GLO1: variants seen among roughly 807,000 people sequenced by gnomAD.
GLO1 encodes lactoylglutathione lyase.
GLO1 carries 28 observed loss-of-function variants against 26.0 expected under a neutral mutation model. The ratio of observed to expected loss-of-function variants is 1.08; its 90% CI spans 0.80 to 1.48. The LOEUF is 1.48. Ranked by LOEUF, GLO1 falls within the 40% of genes most tolerant of loss-of-function variation. The pLI, the probability that GLO1 is intolerant of heterozygous loss-of-function variation, is 0.00. For missense variants in GLO1, 225 were observed against 224.8 expected (o/e 1.00, Z -0.01); for synonymous variants, 78 against 77.6 (o/e 1.00, Z -0.03).
At chr6:38,696,920 CTTTT>C (rs71744977) in intron 1 of GLO1, among the ~76,000 whole-genome samples, 1 of 140,082 alleles carries the variant, frequency 7.1e-6, no homozygotes, top group African/African-American at 2.6e-5. Flanking sequence ...AAGCCTTCTT[CTTTT>C]TTTTTTTTTT....
chr6:38,682,843 C>T lies in GLO1; in HGVS notation c.341G>A (p.Ser114Asn). 1 of 1,606,728 alleles carries T rather than the reference C, an allele frequency of 6.2e-7. No individual in the cohort carries two copies. Among genetic ancestry groups the T allele is most frequent in the Non-Finnish European group, 8.5e-7 (1 of 1,173,266 alleles). The change falls in exon 4 of 6, where the codon AGT becomes AAT. Residue 114 changes from serine to asparagine, a missense_variant. Physicochemically the swap from Ser to Asn is conservative, Grantham distance 46. Coordinates refer to ENST00000373365, the MANE Select transcript of GLO1 (RefSeq NM_006708.3). ...NWGTEDDETQ[S>N]YHNGNSDPRG... ...AGGGTCTGAATTGCCATTGTGGTAA[C>T]TCTGGGTCTCATCATCTTCAGTGCC...
Position 38,681,995 on chromosome 6 carries a change from G to GT in GLO1, c.466+16dup, listed in dbSNP as rs755964501. 1.4e-5 allele frequency: 18 copies of GT among 1,263,456 alleles called. No individual in the cohort carries two copies. The African/African-American group carries it at 1.9e-4, about 13-fold the overall frequency. 78.3% of individuals were successfully genotyped at this position (1,263,456 alleles called of 1,614,324 possible). A position where few individuals can be genotyped will look rare whatever the true frequency, so the allele number is the denominator to read the frequency against. On this transcript the variant is annotated intron_variant, in intron 5 of 5. Transcript: ENST00000373365. Reference sequence around the variant, plus strand: ...TCAACTAAAGACAGGCCTGAACACAGTAAGTAGTAGACTCACCATCATCAG... The same window carrying GT: ...TCAACTAAAGACAGGCCTGAACACAGTTAAGTAGTAGACTCACCATCATCAG...
intron 4 of GLO1, among the ~76,000 whole-genome samples, chr6:38,682,594 T>C (rs1053484522): frequency 1.3e-5 from 2 of 152,140 alleles, no homozygotes; most frequent in African/African-American, 4.8e-5. Context: ...AAGTAAATCA[T>C]GGTGAGATGG....
intron 1 of GLO1, among the ~76,000 whole-genome samples, chr6:38,702,073 G>A (rs1400460247): frequency 1.3e-5 from 2 of 152,028 alleles, no homozygotes; most frequent in Admixed American, 1.3e-4. Flanking sequence ...TGGGACTACA[G>A]GCACCCGCCA....
chr6:38,689,005 G>A (rs1312569737), intron 1 of GLO1, among the ~76,000 whole-genome samples: 3 of 152,166 alleles, frequency 2.0e-5, no homozygotes, highest in African/African-American at 7.2e-5. Flanking sequence ...GTGTGAGAAG[G>A]GGCCAACCTG....
intron 1 of GLO1, among the ~76,000 whole-genome samples, chr6:38,700,075 C>T (rs896371526): frequency 1.3e-5 from 2 of 152,206 alleles, no homozygotes; most frequent in Non-Finnish European, 2.9e-5. Flanking sequence ...GTGGGCATCA[C>T]AGTCCTACTG....
chr6:38,699,519 T>C (rs1761663556), intron 1 of GLO1, among the ~76,000 whole-genome samples: 1 of 152,190 alleles, frequency 6.6e-6, no homozygotes, highest in South Asian at 2.1e-4. Flanking sequence ...TTTTTCTTCT[T>C]GCAGAGAGCC....
intron 2 of GLO1, 67 bp from the exon 3 acceptor site, chr6:38,684,581 C>A: frequency 9.6e-7 from 1 of 1,045,562 alleles, no homozygotes. Context: ...CTATAATCAA[C>A]ATAACTTAAT....
intron 5 of GLO1, among the ~76,000 whole-genome samples, chr6:38,679,516 C>A (rs1442131206): frequency 2.6e-5 from 4 of 152,078 alleles, no homozygotes; most frequent in Non-Finnish European, 5.9e-5. Context: ...TAATGACCGG[C>A]CGGGTGTGGT....
intron 1 of GLO1, among the ~76,000 whole-genome samples, chr6:38,687,301 T>C (rs1761472937): frequency 6.6e-6 from 1 of 151,742 alleles, no homozygotes; most frequent in Middle Eastern, 3.4e-3. Context: ...TTGCCCACAG[T>C]GGTAATCCAC....
At chr6:38,678,735 C>G (rs1195327012) in intron 5 of GLO1, among the ~76,000 whole-genome samples, 1 of 152,210 alleles carries the variant, frequency 6.6e-6, no homozygotes, top group African/African-American at 2.4e-5. Flanking sequence ...CCCCAGCCCT[C>G]TCTCCACGCC....
chr6:38,682,784 T>A (rs761825717), intron 4 of GLO1, 24 bp downstream of exon 4: 2 of 1,339,910 alleles, frequency 1.5e-6, no homozygotes, highest in African/African-American at 1.4e-5. Flanking sequence ...TCTACATATA[T>A]CACATAAAAA....
chr6:38,695,123 T>C (rs1761589986), intron 1 of GLO1, among the ~76,000 whole-genome samples: 1 of 152,216 alleles, frequency 6.6e-6, no homozygotes, highest in Non-Finnish European at 1.5e-5. Context: ...TTGGCCATTT[T>C]ATTCATGTTT....
chr6:38,679,917 T>C (rs1240125350), intron 5 of GLO1, among the ~76,000 whole-genome samples: 1 of 151,720 alleles, frequency 6.6e-6, no homozygotes, highest in Non-Finnish European at 1.5e-5. Context: ...AAGAACAAAA[T>C]AGATGAATTA....
intron 1 of GLO1, among the ~76,000 whole-genome samples, chr6:38,687,592 C>T (rs1401269941): frequency 6.6e-6 from 1 of 152,200 alleles, no homozygotes; most frequent in Non-Finnish European, 1.5e-5. Flanking sequence ...GTTACTGTTG[C>T]TAACACCTTT....
At position 38,686,891 on chromosome 6, in the gene GLO1, C is replaced by T. The variant is rs749567329; in HGVS notation, c.167+1G>A. ...AAGGTGCCAATAAGTACTTGACTTA[C>T]GTCATTCCAAGAACTCTAGTATAAA... On this transcript the variant is annotated splice_donor_variant, in intron 2 of 5. Coordinates refer to ENST00000373365, the MANE Select transcript of GLO1 (RefSeq NM_006708.3). LOFTEE classifies it high-confidence loss of function. 98 of 1,511,304 alleles carry T rather than the reference C, an allele frequency of 6.5e-5. No homozygotes were observed. Among genetic ancestry groups the T allele is most frequent in the Non-Finnish European group, 8.5e-5 (92 of 1,086,734 alleles). 93.6% of individuals were successfully genotyped at this position (1,511,304 alleles called of 1,614,324 possible). A position where few individuals can be genotyped will look rare whatever the true frequency, so the allele number is the denominator to read the frequency against.
chr6:38,680,245 G>A (rs1761350703), intron 5 of GLO1, among the ~76,000 whole-genome samples: 1 of 152,220 alleles, frequency 6.6e-6, no homozygotes, highest in Admixed American at 6.5e-5. Flanking sequence ...TAAAGGGCTG[G>A]GTGCGGTGGC....
chr6:38,681,983 G>A (rs780987239), intron 5 of GLO1, 29 bp downstream of exon 5: 3 of 1,087,800 alleles, frequency 2.8e-6, no homozygotes, highest in Admixed American at 3.4e-5. Flanking sequence ...ACTAAAGACA[G>A]GCCTGAACAC....
At chr6:38,695,719 C>A (rs1262987821) in intron 1 of GLO1, among the ~76,000 whole-genome samples, 1 of 152,152 alleles carries the variant, frequency 6.6e-6, no homozygotes, top group Non-Finnish European at 1.5e-5. Flanking sequence ...ATGGGTGGGA[C>A]TGAGGCCACA....
Sources: allele counts gnomAD v4.1 joint callset (sites outside exome capture counted in the v4.1 genomes callset), GRCh38; gene constraint gnomAD v4.1.1; transcripts MANE v1.5; gene names NCBI Gene and HGNC (gene_info 2026-07-23, HGNC 2026-07-21).